The following ITCH variants were observed in gnomAD, a reference collection of about 807,000 sequenced individuals.
ITCH encodes the protein E3 ubiquitin-protein ligase Itchy homolog.
ITCH carries 28 observed loss-of-function variants against 126.8 expected under a neutral mutation model. That is an observed-to-expected ratio of 0.22 (90% CI 0.16 to 0.30). The LOEUF (loss-of-function observed/expected upper bound fraction) is 0.30. Among genes scored for constraint, ITCH ranks in the 10% least tolerant of loss-of-function variants. ITCH has a pLI of 1.00. For missense variants in ITCH, 631 were observed against 1,032.4 expected, an observed-to-expected ratio of 0.61 and a Z score of 5.33; for synonymous variants, 342 against 340.0, an observed-to-expected ratio of 1.01 and a Z score of -0.06.
In ITCH at chr20:34,510,217, A is replaced by G. The variant is rs1307056555; in HGVS notation, c.*2423A>G. 1 of 152,620 alleles carries G rather than the reference A, an allele frequency of 6.6e-6. No individual in the cohort carries two copies. The highest frequency in any genetic ancestry group is 1.5e-5 in the Non-Finnish European group (1 of 68,040). The allele number at this position is 152,620 out of a possible 1,614,324, so 9.5% of individuals were successfully genotyped here. Reference sequence around the variant, plus strand: ...ATATGTCTTCCCTGCTGTGTTAGGAAAATGGGGGCTGGATATCCCAAGAAT... The same window carrying G: ...ATATGTCTTCCCTGCTGTGTTAGGAGAATGGGGGCTGGATATCCCAAGAAT... On this transcript the variant is annotated 3_prime_UTR_variant, in exon 25 of 25. Transcript: ENST00000374864.
intron 13 of ITCH, 42 bp downstream of exon 13, chr20:34,457,516 ATAC>A (rs1986119980): frequency 1.5e-6 from 2 of 1,303,088 alleles, no homozygotes; most frequent in Non-Finnish European, 2.2e-6. Flanking sequence ...CTTAAAGATT[ATAC>A]CTTATTTCTA....
chr20:34,381,135 T>C (rs2038045141), intron 2 of ITCH, among the ~76,000 whole-genome samples: 1 of 152,118 alleles, frequency 6.6e-6, no homozygotes, highest in African/African-American at 2.4e-5. Flanking sequence ...GCATGGTGGC[T>C]TGCGCCTGTA....
intron 20 of ITCH, among the ~76,000 whole-genome samples, chr20:34,483,566 A>T (rs1988908642): frequency 6.6e-6 from 1 of 152,180 alleles, no homozygotes; most frequent in Admixed American, 6.5e-5. Flanking sequence ...TTTCCCAAAA[A>T]GTTTCTCATT....
intron 2 of ITCH, among the ~76,000 whole-genome samples, chr20:34,377,643 C>G (rs1040508551): frequency 6.6e-6 from 1 of 151,708 alleles, no homozygotes; most frequent in South Asian, 2.1e-4. Context: ...GTGGGCAGAT[C>G]GCTTGAGCCC....
At chr20:34,392,583 A>G (rs1017443389) in intron 2 of ITCH, among the ~76,000 whole-genome samples, 2 of 152,236 alleles carry the variant, frequency 1.3e-5, no homozygotes. Context: ...AAATTTGCAT[A>G]AAAACTCAAG....
rs1470261982 is a variant in ITCH at position 34,510,572 on chromosome 20, G to C, written c.*2778G>C. The C allele has an allele frequency of 1.0e-4, 15 of 149,996 alleles. No homozygotes were observed. The highest frequency in any genetic ancestry group is 9.5e-4 in the Admixed American group (14 of 14,766). The allele number at this position is 149,996 out of a possible 1,614,324, so 9.3% of individuals were successfully genotyped here. ...GGGTTGGGGAAGACAGCATTCCACA[G>C]CCTGGTCAGGAGGGAAGGACCTCAC... is the stretch of plus-strand genomic sequence containing the variant. On this transcript the variant is annotated 3_prime_UTR_variant, in exon 25 of 25. Coordinates refer to ENST00000374864, the MANE Select transcript of ITCH (RefSeq NM_031483.7).
chr20:34,382,562 T>A (rs888216525), intron 2 of ITCH, among the ~76,000 whole-genome samples: 15 of 151,366 alleles, frequency 9.9e-5, no homozygotes, highest in Non-Finnish European at 4.4e-5. Context: ...CCTGCCACCA[T>A]GCCCAGCTAA....
At position 34,413,891 on chromosome 20, in the gene ITCH, C is replaced by A; in HGVS notation, c.475+12C>A. 1 of 1,601,880 alleles carries A rather than the reference C, an allele frequency of 6.2e-7. No homozygotes were observed. Among genetic ancestry groups the A allele is most frequent in the Non-Finnish European group, 8.6e-7 (1 of 1,169,002 alleles). ...TACATGTTCAGAAAGTAAGTGACTA[C>A]CTTTTTAAGGTCTTTAATGATTCTT... On this transcript the variant is annotated intron_variant, in intron 6 of 24. Transcript: ENST00000374864.
In ITCH at chr20:34,445,470, C is replaced by T. The variant is rs375115048; in HGVS notation, c.1140+9C>T. 5.0e-6 allele frequency: 8 copies of T among 1,612,804 alleles called. No individual in the cohort carries two copies. The highest frequency in any genetic ancestry group is 1.3e-5 in the African/African-American group (1 of 74,856). ...AGAGATTCATTTATGGGGTGAGCAG[C>T]CTGTTGTTTAATAAACTAATAAGAG... is the stretch of plus-strand genomic sequence containing the variant. On this transcript the variant is annotated intron_variant, in intron 11 of 24. Coordinates refer to ENST00000374864, the MANE Select transcript of ITCH (RefSeq NM_031483.7).
At chr20:34,386,644 TATTAA>T (rs1568874720) in intron 2 of ITCH, among the ~76,000 whole-genome samples, 1 of 152,234 alleles carries the variant, frequency 6.6e-6, no homozygotes, top group East Asian at 1.9e-4. Flanking sequence ...TATAGGGCTA[TATTAA>T]ATTACTTAAA....
intron 14 of ITCH, among the ~76,000 whole-genome samples, chr20:34,467,020 C>T (rs985137835): frequency 1.3e-5 from 2 of 152,064 alleles, no homozygotes. Flanking sequence ...ATAATATTAA[C>T]AACCCTTAGT....
intron 12 of ITCH, among the ~76,000 whole-genome samples, chr20:34,456,377 T>G (rs930630668): frequency 6.8e-6 from 1 of 147,328 alleles, no homozygotes; most frequent in Admixed American, 6.8e-5. Context: ...CATTACCAAT[T>G]AATTCTTCAA....
At chr20:34,454,682 G>A (rs1420208724) in intron 12 of ITCH, 1 of 151,822 alleles carries the variant, frequency 6.6e-6, no homozygotes, top group Non-Finnish European at 1.5e-5. Context: ...TTGAAATCAT[G>A]GAATTATATT....
Position 34,369,452 on chromosome 20 carries a change from C to G in ITCH, c.-40C>G, listed in dbSNP as rs1415785331. 1.3e-5 allele frequency: 5 copies of G among 398,950 alleles called. No individual in the cohort carries two copies. Among genetic ancestry groups the G allele is most frequent in the African/African-American group, 2.1e-5 (1 of 48,622 alleles). The allele number at this position is 398,950 out of a possible 1,614,324, so 24.7% of individuals were successfully genotyped here. On this transcript the variant is annotated 5_prime_UTR_variant, in exon 2 of 25. Coordinates refer to ENST00000374864, the MANE Select transcript of ITCH (RefSeq NM_031483.7). ...AACGCCTTAACCCAAGGAAGTGACT[C>G]AAACTGTGAGAACTTCAGGTATGGT... is the stretch of plus-strand genomic sequence containing the variant.
chr20:34,417,967 CTTT>C (rs796201494), intron 6 of ITCH, among the ~76,000 whole-genome samples: 8 of 137,330 alleles, frequency 5.8e-5, no homozygotes, highest in Admixed American at 1.5e-4. Context: ...TTACTTTCAA[CTTT>C]TTTTTTTTTT....
intron 9 of ITCH, among the ~76,000 whole-genome samples, chr20:34,440,936 G>GA (rs922027974): frequency 4.6e-5 from 7 of 152,090 alleles, no homozygotes; most frequent in Middle Eastern, 3.4e-3. Context: ...CTTTAAGGGG[G>GA]AAAAAATCCC....
intron 3 of ITCH, among the ~76,000 whole-genome samples, chr20:34,404,565 G>A (rs893202158): frequency 9.2e-5 from 14 of 151,748 alleles, no homozygotes; most frequent in African/African-American, 2.7e-4. Flanking sequence ...GATTACAGGC[G>A]CCTGCCACCA....
chr20:34,387,010 A>G (rs1408909836), intron 2 of ITCH, among the ~76,000 whole-genome samples: 1 of 152,118 alleles, frequency 6.6e-6, no homozygotes, highest in Non-Finnish European at 1.5e-5. Context: ...ACTCAAAATA[A>G]ATGATTTATA....
intron 4 of ITCH, among the ~76,000 whole-genome samples, chr20:34,412,119 AT>A (rs958837938): frequency 6.6e-6 from 1 of 152,240 alleles, no homozygotes; most frequent in African/African-American, 2.4e-5. Flanking sequence ...GGAAGTGATA[AT>A]TCCCATCTCA....
Sources: allele counts gnomAD v4.1 joint callset (sites outside exome capture counted in the v4.1 genomes callset), GRCh38; gene constraint gnomAD v4.1.1; transcripts MANE v1.5; gene names NCBI Gene and HGNC (gene_info 2026-07-23, HGNC 2026-07-21).